Variants in TRAK1 observed in about 807,000 individuals in gnomAD.
TRAK1 encodes the protein trafficking kinesin-binding protein 1.
Under a neutral mutation model 92.1 loss-of-function variants are expected in TRAK1, and 33 were observed. The observed-to-expected ratio is 0.36, with a 90% CI of 0.27 to 0.48. The LOEUF is 0.48. TRAK1 is among the 20% of genes least tolerant of loss of function. The probability of loss-of-function intolerance (pLI) is 0.99; values close to 1 mark genes in which losing one functional copy is unlikely to be tolerated. For missense variants in TRAK1, 1,123 were observed against 1,257.9 expected (o/e 0.89, Z 1.62); for synonymous variants, 521 against 517.3 (o/e 1.01, Z -0.10).
Position 42,194,790 on chromosome 3 carries a change from T to G in TRAK1, c.976-14T>G. On this transcript the variant is annotated splice_polypyrimidine_tract_variant and intron_variant, in intron 9 of 15. Coordinates refer to ENST00000327628, the MANE Select transcript of TRAK1 (RefSeq NM_001042646.3). Reference sequence around the variant, plus strand: ...TCAGGAGATCCTGACCCTCTGTGTCTTTCCTGCCTGCAGCTGCGTGAGCTG... The same window carrying G: ...TCAGGAGATCCTGACCCTCTGTGTCGTTCCTGCCTGCAGCTGCGTGAGCTG... 6.2e-7 allele frequency: 1 copy of G among 1,612,864 alleles called. No individual in the cohort carries two copies. The highest frequency in any genetic ancestry group is 8.5e-7 in the Non-Finnish European group (1 of 1,179,492).
chr3:42,127,347 C>CTTTTTTTTTTT (rs71741232), intron 2 of TRAK1, among the ~76,000 whole-genome samples: 1 of 127,860 alleles, frequency 7.8e-6, no homozygotes, highest in Non-Finnish European at 1.6e-5. Flanking sequence ...CATTCATACA[C>CTTTTTTTTTTT]TTTTTTTTTT....
chr3:42,109,367 A>C (rs1371889059), intron 1 of TRAK1, among the ~76,000 whole-genome samples: 2 of 152,230 alleles, frequency 1.3e-5, no homozygotes, highest in Non-Finnish European at 2.9e-5. Context: ...GTTGGCTGCT[A>C]CCCTAGGCAC....
chr3:42,121,539 G>C (rs573240072), intron 1 of TRAK1, among the ~76,000 whole-genome samples: 1 of 152,286 alleles, frequency 6.6e-6, no homozygotes, highest in South Asian at 2.1e-4. Flanking sequence ...GATTACAGGC[G>C]TGAGCCACTG....
chr3:42,114,658 T>C (rs149295545), intron 1 of TRAK1, among the ~76,000 whole-genome samples: 2 of 152,362 alleles, frequency 1.3e-5, no homozygotes, highest in Non-Finnish European at 2.9e-5. Context: ...GATATTTTCA[T>C]GTAAAATAAT....
At chr3:42,085,647 A>G (rs1704637424), upstream of TRAK1, among the ~76,000 whole-genome samples, 1 of 152,194 alleles carries the variant, frequency 6.6e-6, no homozygotes, top group African/African-American at 2.4e-5. Context: ...ATGTCTATTA[A>G]CTTTCTCTTT....
intron 1 of TRAK1, among the ~76,000 whole-genome samples, chr3:42,114,915 G>GTTGGCCAGGCTGATCTCGAAC (rs1708971468): frequency 6.6e-6 from 1 of 152,042 alleles, no homozygotes; most frequent in African/African-American, 2.4e-5. Context: ...GTTTTGCTGT[G>GTTGGCCAGGCTGATCTCGAAC]TTGGCCAGGC....
At chr3:42,140,768 G>T (rs1002305888) in intron 2 of TRAK1, among the ~76,000 whole-genome samples, 1 of 152,210 alleles carries the variant, frequency 6.6e-6, no homozygotes, top group Non-Finnish European at 1.5e-5. Flanking sequence ...CCTCAAGGAC[G>T]GAAGGTTAGG....
At chr3:42,110,374 A>G (rs1228154731) in intron 1 of TRAK1, among the ~76,000 whole-genome samples, 1 of 151,634 alleles carries the variant, frequency 6.6e-6, no homozygotes, top group African/African-American at 2.4e-5. Context: ...ACAGGAGAAA[A>G]TACAGCCCCC....
At chr3:42,218,908 G>T in intron 14 of TRAK1, 1 of 985,376 alleles carries the variant, frequency 1.0e-6, no homozygotes, top group Non-Finnish European at 1.2e-6. Flanking sequence ...TTGCCACGTT[G>T]TTGCTGAGGC....
At chr3:42,119,688 G>C (rs879325188) in intron 1 of TRAK1, among the ~76,000 whole-genome samples, 2 of 152,356 alleles carry the variant, frequency 1.3e-5, no homozygotes, top group East Asian at 1.9e-4. Flanking sequence ...CAGACGGAAA[G>C]GGCATGACTT....
chr3:42,186,854 G>A (rs1444298452), intron 4 of TRAK1, among the ~76,000 whole-genome samples: 2 of 152,144 alleles, frequency 1.3e-5, no homozygotes, highest in East Asian at 3.8e-4. Flanking sequence ...TTTTATGCAC[G>A]TAAAATTGTC....
rs976355225 is a variant in TRAK1, at chr3:42,209,853, G to C, written c.1831G>C (p.Gly611Arg). 6.2e-7 allele frequency: 1 copy of C among 1,614,080 alleles called. No homozygotes were observed. Among genetic ancestry groups the C allele is most frequent in the Non-Finnish European group, 8.5e-7 (1 of 1,180,062 alleles). ...LDPRPGVVTK[G>R]FRTLDVDLDE... ...CCCCCGGCCCGGTGTGGTCACCAAG[G>C]GCTTCCGGACGCTGGATGTTGACCT... Residue 611 changes from glycine to arginine, a missense_variant, in exon 14 of 16, where the codon GGC (glycine) becomes CGC (arginine). Transcript: ENST00000327628.
At chr3:42,125,042 G>A (rs1710385220) in intron 1 of TRAK1, among the ~76,000 whole-genome samples, 1 of 152,232 alleles carries the variant, frequency 6.6e-6, no homozygotes, top group African/African-American at 2.4e-5. Context: ...AGAGTGGCAT[G>A]AAGAAGTTAG....
chr3:42,131,366 C>T (rs1054352540), intron 2 of TRAK1, among the ~76,000 whole-genome samples: 2 of 152,116 alleles, frequency 1.3e-5, no homozygotes, highest in Non-Finnish European at 2.9e-5. Flanking sequence ...TTTCTTTTTC[C>T]TCTTCCTCTG....
At chr3:42,083,928 C>T (rs1704548867), upstream of TRAK1, among the ~76,000 whole-genome samples, 1 of 151,814 alleles carries the variant, frequency 6.6e-6, no homozygotes, top group East Asian at 1.9e-4. Flanking sequence ...AGGAATTATC[C>T]TACTGGTACG....
intron 1 of TRAK1, among the ~76,000 whole-genome samples, chr3:42,039,549 A>T (rs1352656167): frequency 6.6e-6 from 1 of 152,174 alleles, no homozygotes; most frequent in East Asian, 1.9e-4. Flanking sequence ...TTTTTAGTAG[A>T]GACAGGGTTT....
At chr3:42,178,791 A>G (rs1202871517) in intron 3 of TRAK1, among the ~76,000 whole-genome samples, 2 of 152,078 alleles carry the variant, frequency 1.3e-5, no homozygotes, top group Non-Finnish European at 2.9e-5. Flanking sequence ...CCTTGCCAAC[A>G]TGGCCAAACC....
intron 14 of TRAK1, among the ~76,000 whole-genome samples, chr3:42,216,936 C>T (rs1383970152): frequency 1.3e-5 from 2 of 152,138 alleles, no homozygotes; most frequent in African/African-American, 2.4e-5. Flanking sequence ...AAATGAGCAG[C>T]ATGGGATGAA....
In TRAK1 at chr3:42,216,503, C is replaced by G. The variant is rs75249092; in HGVS notation, c.1964-2991C>G. Among the ~76,000 whole-genome samples, 71 of 152,300 alleles carry G rather than the reference C, an allele frequency of 4.7e-4. No individual in the cohort carries two copies. In the East Asian group the frequency reaches 0.012, roughly 25 times the overall value. On this transcript the variant is annotated intron_variant, in intron 14 of 15. Coordinates refer to ENST00000327628, the MANE Select transcript of TRAK1 (RefSeq NM_001042646.3). ...TGTAAGAGTGAAAGTAAGAGTGGTT[C>G]TCACTCTTGCAAAGTCCTCTGATGT... is the stretch of plus-strand genomic sequence containing the variant.
Sources: gnomAD v4.1 joint callset for allele counts (sites outside exome capture counted in the v4.1 genomes callset) on GRCh38, gnomAD v4.1.1 for gene constraint, MANE v1.5 for transcripts, NCBI Gene and HGNC (gene_info 2026-07-23, HGNC 2026-07-21) for gene names.